The following RBM41 variants were observed in gnomAD, a reference collection of about 807,000 sequenced individuals.
The protein encoded by RBM41 is RNA-binding protein 41.
RBM41 carries 14 observed loss-of-function variants against 30.8 expected under a neutral mutation model. That is an observed-to-expected ratio of 0.45 (90% confidence interval 0.30 to 0.71). RBM41 has a LOEUF of 0.71. Among genes scored for constraint, RBM41 ranks in the 30% least tolerant of loss-of-function variants. The probability of loss-of-function intolerance (pLI) is 0.08; values close to 1 mark genes in which losing one functional copy is unlikely to be tolerated. For missense variants in RBM41, 276 were observed against 326.3 expected, an observed-to-expected ratio of 0.85 and a Z score of 1.19; for synonymous variants, 120 against 110.1, an observed-to-expected ratio of 1.09 and a Z score of -0.56.
In RBM41 at chrX:107,063,190, T is replaced by C. The variant is rs765008441; in HGVS notation, c.*4337A>G. Among the ~76,000 whole-genome samples the C allele has an allele frequency of 9.0e-6, 1 of 111,431 alleles. No individual in the cohort carries two copies. The highest frequency in any genetic ancestry group is 1.9e-5 in the Non-Finnish European group (1 of 53,058). On this transcript the variant is annotated 3_prime_UTR_variant, in exon 8 of 8. Transcript: ENST00000685964. ...AAAGAAACTTCATACACTTCAACTG[T>C]TACCCCCAGCCCTTCCCATTCCCCC... is the stretch of plus-strand genomic sequence containing the variant.
At position 107,066,947 on chromosome X, in the gene RBM41, T is replaced by C. The variant is rs1935863441; in HGVS notation, c.*580A>G. On this transcript the variant is annotated 3_prime_UTR_variant, in exon 8 of 8. Transcript: ENST00000685964. ...TCTAAAATATTTCACTAGAAAAATATATAGCTTTTTGAAGACTGATAACTT... is the reference window on the plus strand; with the variant it reads ...TCTAAAATATTTCACTAGAAAAATACATAGCTTTTTGAAGACTGATAACTT... 2.7e-6 allele frequency: 2 copies of C among 749,714 alleles called. No homozygotes were observed. Among genetic ancestry groups the C allele is most frequent in the East Asian group, 1.5e-4 (1 of 6,634 alleles). The allele number at this position is 749,714 out of a possible 1,213,427, so 61.8% of individuals were successfully genotyped here.
In RBM41 at chrX:107,064,742, G is replaced by A. The variant is rs1023199018; in HGVS notation, c.*2785C>T. On this transcript the variant is annotated 3_prime_UTR_variant, in exon 8 of 8. Transcript: ENST00000685964. ...TTTCATATGCACTCGAGAAGAATAT[G>A]TATTCTGATGTTGGGTGGAAAGTTC... 4.5e-5 allele frequency: 5 copies of A among 111,992 alleles called. No individual in the cohort carries two copies. Among genetic ancestry groups the A allele is most frequent in the African/African-American group, 1.6e-4 (5 of 30,832 alleles). 9.2% of individuals were successfully genotyped at this position (111,992 alleles called of 1,213,427 possible).
chrX:107,117,216 AAGG>A (rs774690144), intron 1 of RBM41, among the ~76,000 whole-genome samples: 33 of 112,469 alleles, frequency 2.9e-4, no homozygotes, highest in Middle Eastern at 4.6e-3. Context: ...TGATGCAGAA[AAGG>A]AGAACAGGGA....
At chrX:107,115,607 C>T (rs1238266223) in intron 3 of RBM41, 51 bp from the exon 4 acceptor site, 3 of 1,059,161 alleles carry the variant, frequency 2.8e-6, no homozygotes, top group Non-Finnish European at 3.9e-6. Flanking sequence ...ACAACCTGAA[C>T]ATGATGATCT....
chrX:107,110,760 A>G (rs1477601570), intron 5 of RBM41, among the ~76,000 whole-genome samples: 1 of 111,529 alleles, frequency 9.0e-6, no homozygotes, highest in East Asian at 2.8e-4. Context: ...TAGTCAAATG[A>G]TTTTTGAATA....
intron 5 of RBM41, among the ~76,000 whole-genome samples, chrX:107,095,243 T>C (rs1464757051): frequency 9.1e-6 from 1 of 109,767 alleles, no homozygotes; most frequent in Non-Finnish European, 1.9e-5. Flanking sequence ...CTTTAAGGTA[T>C]CCATAATAAA....
At chrX:107,097,708 G>A (rs1923102562) in intron 5 of RBM41, among the ~76,000 whole-genome samples, 1 of 111,726 alleles carries the variant, frequency 9.0e-6, no homozygotes, top group Admixed American at 9.5e-5. Context: ...GACTAATAAA[G>A]CTGTAAAATA....
At chrX:107,110,143 C>CA (rs1218890643) in intron 5 of RBM41, among the ~76,000 whole-genome samples, 31 of 94,566 alleles carry the variant, frequency 3.3e-4, no homozygotes, top group East Asian at 3.3e-4. Flanking sequence ...CATTTGAAGC[C>CA]AAAAAAAAAA....
intron 6 of RBM41, among the ~76,000 whole-genome samples, chrX:107,075,237 C>T (rs376335413): frequency 1.4e-4 from 16 of 112,044 alleles, no homozygotes; most frequent in African/African-American, 3.9e-4. Flanking sequence ...CCTTATCTTA[C>T]GCCATACACA....
the RBM41 span, among the ~76,000 whole-genome samples, chrX:107,052,914 A>T: frequency 8.9e-6 from 1 of 112,050 alleles, no homozygotes. Context: ...ATTGATTAAC[A>T]TAATAACAGC....
chrX:107,076,316 CAAATAAATAAATAAATAAAT>C (rs55848548), intron 6 of RBM41, among the ~76,000 whole-genome samples: 7 of 92,766 alleles, frequency 7.5e-5, no homozygotes, highest in African/African-American at 1.6e-4. Context: ...GACTCCGTCT[CAAATAAATAAATAAATAAAT>C]AAATAAATAA....
chrX:107,063,952 C>CTTT lies in RBM41; in HGVS notation c.*3572_*3574dup, dbSNP rs1202676973. Among the ~76,000 whole-genome samples, 1 of 90,908 alleles carries CTTT rather than the reference C, an allele frequency of 1.1e-5. No homozygotes were observed. The highest frequency in any genetic ancestry group is 4.1e-5 in the African/African-American group (1 of 24,394). 78.9% of individuals were successfully genotyped at this position (90,908 alleles called of 115,157 possible). On this transcript the variant is annotated 3_prime_UTR_variant, in exon 8 of 8. Transcript: ENST00000685964. ...AGGTTAGTGCTATGGTCTTTCTTTT[C>CTTT]TTTTTTTTTTTTTTTTTGAGATGGA...
rs776966375 is a variant in RBM41 at position 107,114,154 on chromosome X, T to G, written c.524-686A>C. On this transcript the variant is annotated intron_variant, in intron 4 of 7. Coordinates refer to ENST00000685964, the MANE Select transcript of RBM41 (RefSeq NM_001324242.2). ...CCTCTGCATTGACCTCCCTCCTTCATTTTCAGTCAACGAGTTTTATTAGTT... is the reference window on the plus strand; with the variant it reads ...CCTCTGCATTGACCTCCCTCCTTCAGTTTCAGTCAACGAGTTTTATTAGTT... 5.6e-4 allele frequency: 62 copies of G among 111,592 alleles called. 1 individual carries two copies. Among genetic ancestry groups the G allele is most frequent in the African/African-American group, 2.0e-3 (60 of 30,754 alleles). 9.2% of individuals were successfully genotyped at this position (111,592 alleles called of 1,213,427 possible).
chrX:107,097,295 T>C (rs1368354615), intron 5 of RBM41, among the ~76,000 whole-genome samples: 1 of 111,943 alleles, frequency 8.9e-6, no homozygotes, highest in African/African-American at 3.2e-5. Context: ...ATAAATGTCA[T>C]CAAGTGGTGA....
chrX:107,116,755 C>A lies in RBM41; in HGVS notation c.20G>T (p.Cys7Phe), dbSNP rs1476135768. 1 of 1,209,333 alleles carries A rather than the reference C, an allele frequency of 8.3e-7. No homozygotes were observed. The highest frequency in any genetic ancestry group is 2.2e-5 in the Admixed American group (1 of 45,906). Residue 7 changes from cysteine to phenylalanine, a missense_variant, in exon 2 of 8, where the codon TGT (cysteine) becomes TTT (phenylalanine). Coordinates refer to ENST00000685964, the MANE Select transcript of RBM41 (RefSeq NM_001324242.2). Reference sequence around the variant, plus strand: ...CAGGACATGCTCATCACTCTTCACACAGCTGTTTACCCTGGAGTAGACATA... The same window carrying A: ...CAGGACATGCTCATCACTCTTCACAAAGCTGTTTACCCTGGAGTAGACATA... MKRVNS[C>F]VKSDEHVLEE...
At chrX:107,058,127 C>T (rs1569318645), downstream of RBM41, among the ~76,000 whole-genome samples, 1 of 109,060 alleles carries the variant, frequency 9.2e-6, no homozygotes, top group East Asian at 2.9e-4. Context: ...AACCCTGTCT[C>T]TACTAAAAAT....
At chrX:107,102,660 A>G (rs899973171) in intron 5 of RBM41, among the ~76,000 whole-genome samples, 1 of 111,517 alleles carries the variant, frequency 9.0e-6, no homozygotes, top group African/African-American at 3.3e-5. Flanking sequence ...AGACAGAGAC[A>G]GGACAAAGGA....
In RBM41 at chrX:107,063,990, T is replaced by A. The variant is rs1337889259; in HGVS notation, c.*3537A>T. Among the ~76,000 whole-genome samples, 1 of 102,814 alleles carries A rather than the reference T, an allele frequency of 9.7e-6. No homozygotes were observed. Among genetic ancestry groups the A allele is most frequent in the Non-Finnish European group, 2.0e-5 (1 of 50,276 alleles). The allele number at this position is 102,814 out of a possible 115,157, so 89.3% of individuals were successfully genotyped here. A position where few individuals can be genotyped will look rare whatever the true frequency, so the allele number is the denominator to read the frequency against. On this transcript the variant is annotated 3_prime_UTR_variant, in exon 8 of 8. Transcript: ENST00000685964. ...TTTTTGAGATGGAGTCTCGCTCTGC[T>A]GCCCAGGCTGGAGTGCAGTGGTGCA... is the stretch of plus-strand genomic sequence containing the variant.
intron 7 of RBM41, 110 bp from the exon 8 acceptor site, chrX:107,067,803 A>C: frequency 1.2e-6 from 1 of 853,275 alleles, no homozygotes; most frequent in Non-Finnish European, 1.5e-6. Flanking sequence ...CTATAAGGCC[A>C]TATAGTCATT....
Sources: allele counts gnomAD v4.1 joint callset (sites outside exome capture counted in the v4.1 genomes callset), GRCh38; gene constraint gnomAD v4.1.1; transcripts MANE v1.5; gene names NCBI Gene and HGNC (gene_info 2026-07-23, HGNC 2026-07-21).